Variants in TTLL9 observed in about 807,000 individuals in gnomAD.
The protein encoded by TTLL9 is tubulin tyrosine ligase like 9.
In TTLL9, 47 loss-of-function variants were observed where a neutral mutation model predicts 65.6. That is an observed-to-expected ratio of 0.72 (90% CI 0.57 to 0.91). TTLL9 has a LOEUF of 0.91. TTLL9 is among the 40% of genes least tolerant of loss of function. The pLI is 0.00. For synonymous variants in TTLL9, 179 were observed against 204.8 expected, an observed-to-expected ratio of 0.87 and a Z score of 1.07; for missense variants, 537 against 568.8, an observed-to-expected ratio of 0.94 and a Z score of 0.57.
intron 3 of TTLL9, among the ~76,000 whole-genome samples, chr20:31,889,822 G>A (rs140304432): frequency 1.1e-3 from 170 of 150,942 alleles, no homozygotes; most frequent in African/African-American, 3.8e-3. Flanking sequence ...ATCCCACCTC[G>A]GCCTCCCAAA....
At chr20:31,897,676 G>A (rs2063406547) in intron 3 of TTLL9, among the ~76,000 whole-genome samples, 1 of 152,136 alleles carries the variant, frequency 6.6e-6, no homozygotes. Flanking sequence ...AGGGATGAAA[G>A]CCTGGCTCTG....
At chr20:31,924,438 C>G (rs1430341832) in intron 8 of TTLL9, among the ~76,000 whole-genome samples, 1 of 152,176 alleles carries the variant, frequency 6.6e-6, no homozygotes, top group African/African-American at 2.4e-5. Context: ...CTGCACCACT[C>G]TGGGCTGGGC....
intron 2 of TTLL9, among the ~76,000 whole-genome samples, chr20:31,885,016 G>C (rs1196527887): frequency 6.6e-6 from 1 of 151,978 alleles, no homozygotes; most frequent in African/African-American, 2.4e-5. Context: ...AATGTACAAG[G>C]CTGCTATACT....
At chr20:31,881,110 C>T (rs1301781891) in intron 2 of TTLL9, among the ~76,000 whole-genome samples, 6 of 152,206 alleles carry the variant, frequency 3.9e-5, no homozygotes, top group Admixed American at 2.0e-4. Context: ...ACCCATCTCC[C>T]GCCTTGGCCT....
At chr20:31,871,902 T>G (rs889664667) in intron 2 of TTLL9, among the ~76,000 whole-genome samples, 1 of 152,240 alleles carries the variant, frequency 6.6e-6, no homozygotes, top group African/African-American at 2.4e-5. Context: ...TTTATTTAAC[T>G]CAATATATCC....
chr20:31,872,873 A>C (rs1286186172), intron 2 of TTLL9: 1 of 435,900 alleles, frequency 2.3e-6, no homozygotes, highest in Non-Finnish European at 4.6e-6. Context: ...CGGAGCATGC[A>C]GGAGCACATA....
chr20:31,916,876 C>T (rs940570685), intron 6 of TTLL9, among the ~76,000 whole-genome samples: 10 of 152,158 alleles, frequency 6.6e-5, no homozygotes, highest in Admixed American at 1.3e-4. Flanking sequence ...CTCCTTAGGT[C>T]TGATTGGCCA....
Position 31,909,902 on chromosome 20 carries a change from A to G in TTLL9, c.484A>G (p.Ile162Val), listed in dbSNP as rs1446659938. ...AGAGGAGTTTCGCAAAAACCCAGGA[A>G]TCACCTGGATCATGAAGCCTGTGAG... is the stretch of plus-strand genomic sequence containing the variant. ...FVEEFRKNPG[I>V]TWIMKPVARS... The change falls in exon 6 of 15, where the codon ATC (isoleucine) becomes GTC (valine). Residue 162 changes from isoleucine (I) to valine (V), a missense_variant. This residue lies in a region of TTLL9 where 320 missense variants were observed against 311.0 expected (regional missense o/e 1.03). Coordinates refer to ENST00000535842, the MANE Select transcript of TTLL9 (RefSeq NM_001008409.5). 6 of 1,613,518 alleles carry G rather than the reference A, an allele frequency of 3.7e-6. No homozygotes were observed. Among genetic ancestry groups the G allele is most frequent in the Non-Finnish European group, 5.1e-6 (6 of 1,179,758 alleles).
At chr20:31,921,971 A>T (rs1378297314) in intron 7 of TTLL9, among the ~76,000 whole-genome samples, 2 of 77,804 alleles carry the variant, frequency 2.6e-5, no homozygotes, top group Non-Finnish European at 4.9e-5. Flanking sequence ...TTAAAGTATA[A>T]TAAAAAAAAA....
chr20:31,940,946 G>C (rs1006954776), intron 14 of TTLL9: 1 of 152,156 alleles, frequency 6.6e-6, no homozygotes, highest in Non-Finnish European at 1.5e-5. Context: ...CGCCGGGCGC[G>C]GTGGCTCACG....
intron 4 of TTLL9, among the ~76,000 whole-genome samples, chr20:31,905,623 C>T (rs770837191): frequency 2.4e-4 from 36 of 152,184 alleles, no homozygotes; most frequent in Non-Finnish European, 4.7e-4. Context: ...CATCTCTGAG[C>T]TCAGTGAAAG....
At chr20:31,931,964 G>C (rs914339237) in intron 10 of TTLL9, among the ~76,000 whole-genome samples, 2 of 152,208 alleles carry the variant, frequency 1.3e-5, no homozygotes, top group Admixed American at 1.3e-4. Flanking sequence ...GCCTACTCAA[G>C]GTCACAGTGA....
chr20:31,898,667 G>A, intron 4 of TTLL9, 102 bp downstream of exon 4: 1 of 914,942 alleles, frequency 1.1e-6, no homozygotes. Flanking sequence ...ACTGGGACTT[G>A]TCCCAAAGTG....
chr20:31,879,085 G>A (rs1030293129), intron 2 of TTLL9, among the ~76,000 whole-genome samples: 1 of 152,188 alleles, frequency 6.6e-6, no homozygotes, highest in Non-Finnish European at 1.5e-5. Context: ...CACTTTTGGA[G>A]GTCGAGGCAG....
chr20:31,889,231 G>C (rs1191086874), intron 3 of TTLL9, among the ~76,000 whole-genome samples: 1 of 152,118 alleles, frequency 6.6e-6, no homozygotes, highest in Non-Finnish European at 1.5e-5. Flanking sequence ...TGGTACAGTG[G>C]TTCAATAATG....
intron 3 of TTLL9, 143 bp downstream of exon 3, chr20:31,887,382 G>T: frequency 1.1e-5 from 10 of 951,512 alleles, no homozygotes; most frequent in Non-Finnish European, 1.6e-5. Context: ...CCATTATTGA[G>T]CACTTACCAT....
chr20:31,886,152 C>T (rs989025273), intron 2 of TTLL9, among the ~76,000 whole-genome samples: 1 of 152,232 alleles, frequency 6.6e-6, no homozygotes, highest in Non-Finnish European at 1.5e-5. Context: ...GCCAATGATG[C>T]AGCTAAGTCA....
At chr20:31,889,313 T>C (rs2063246873) in intron 3 of TTLL9, among the ~76,000 whole-genome samples, 2 of 152,060 alleles carry the variant, frequency 1.3e-5, no homozygotes, top group South Asian at 2.1e-4. Context: ...TTGGCTGGAG[T>C]GCAGTGGTGC....
chr20:31,883,798 G>A (rs904604687), intron 2 of TTLL9, among the ~76,000 whole-genome samples: 8 of 151,802 alleles, frequency 5.3e-5, no homozygotes, highest in Admixed American at 2.0e-4. Context: ...ACTCAATATA[G>A]TACAGGAAAC....
Sources: allele counts gnomAD v4.1 joint callset (sites outside exome capture counted in the v4.1 genomes callset), GRCh38; gene constraint gnomAD v4.1.1; regional missense constraint gnomAD v4.1.1; transcripts MANE v1.5; gene names NCBI Gene and HGNC (gene_info 2026-07-23, HGNC 2026-07-21).